Variants in SLCO2B1 observed in about 807,000 individuals in gnomAD.
The protein encoded by SLCO2B1 is solute carrier organic anion transporter family member 2B1, also known as OATP-RP2.
A neutral mutation model predicts 67.3 loss-of-function variants in SLCO2B1; 41 were observed. That is an observed-to-expected ratio of 0.61 (90% CI 0.47 to 0.79). The LOEUF is 0.79. SLCO2B1 is among the 30% of genes least tolerant of loss of function. The pLI, the probability that SLCO2B1 is intolerant of heterozygous loss-of-function variation, is 0.00. For missense variants in SLCO2B1, 837 were observed against 920.1 expected, an observed-to-expected ratio of 0.91 and a Z score of 1.17; for synonymous variants, 379 against 381.4, an observed-to-expected ratio of 0.99 and a Z score of 0.07.
chr11:75,165,669 T>C (rs1949880129), intron 3 of SLCO2B1, 118 bp from the exon 4 acceptor site: 3 of 1,200,010 alleles, frequency 2.5e-6, no homozygotes, highest in Non-Finnish European at 3.6e-6. Flanking sequence ...CCCAGATGAT[T>C]TTTATTCAGT....
chr11:75,151,224 T>A lies in SLCO2B1; in HGVS notation c.-158T>A. 1 of 638,540 alleles carries A rather than the reference T, an allele frequency of 1.6e-6. No homozygotes were observed. 39.6% of individuals were successfully genotyped at this position (638,540 alleles called of 1,614,324 possible). ...ATGTCCTGTGTGGCCCAAGAAGAACTGACCCCGTGTCTGGAGCTCCCACCG... is the reference window on the plus strand; with the variant it reads ...ATGTCCTGTGTGGCCCAAGAAGAACAGACCCCGTGTCTGGAGCTCCCACCG... On this transcript the variant is annotated 5_prime_UTR_variant, in exon 1 of 14. Transcript: ENST00000289575.
At chr11:75,158,582 T>C (rs761705281) in intron 1 of SLCO2B1, among the ~76,000 whole-genome samples, 1 of 151,952 alleles carries the variant, frequency 6.6e-6, no homozygotes, top group Non-Finnish European at 1.5e-5. Context: ...CAGAGTGGGG[T>C]GACTATCCTA....
chr11:75,161,312 T>C (rs1443516208), intron 1 of SLCO2B1, among the ~76,000 whole-genome samples: 1 of 152,302 alleles, frequency 6.6e-6, no homozygotes, highest in African/African-American at 2.4e-5. Flanking sequence ...TGACTACAGA[T>C]GGGTACGGGA....
chr11:75,206,171 C>T lies in SLCO2B1; in HGVS notation c.*1591C>T, dbSNP rs1945273994. The T allele has an allele frequency of 6.6e-6, 1 of 152,208 alleles. No individual in the cohort carries two copies. Among genetic ancestry groups the T allele is most frequent in the Non-Finnish European group, 1.5e-5 (1 of 68,032 alleles). 9.4% of individuals were successfully genotyped at this position (152,208 alleles called of 1,614,324 possible). ...GGCTTTTAGGATGTTTATATTCCTT[C>T]ATCCCTCTTGTTTCCCAGGTTTTGC... On this transcript the variant is annotated 3_prime_UTR_variant, in exon 14 of 14. Coordinates refer to ENST00000289575, the MANE Select transcript of SLCO2B1 (RefSeq NM_007256.5).
rs772520935 is a variant in SLCO2B1 at position 75,162,782 on chromosome 11, C to A, written c.144C>A (p.Ile48=). ...TGCGGCCAAGTGTGTTCCATAACAT[C>A]AAGGTACCTCTCAGGGCCTGGCAGG... is the stretch of plus-strand genomic sequence containing the variant. ...QDVRPSVFHN[I]KLFVLCHSLL... Residue 48 remains isoleucine, a synonymous_variant, in exon 2 of 14, where the codon ATC becomes ATA. Coordinates refer to ENST00000289575, the MANE Select transcript of SLCO2B1 (RefSeq NM_007256.5). The A allele has an allele frequency of 6.2e-7, 1 of 1,613,408 alleles. No individual in the cohort carries two copies. Among genetic ancestry groups the A allele is most frequent in the African/African-American group, 1.3e-5 (1 of 75,028 alleles).
chr11:75,165,286 G>GCTGAGCATGGTGGCGCATGC (rs1949873553), intron 3 of SLCO2B1, among the ~76,000 whole-genome samples: 1 of 152,140 alleles, frequency 6.6e-6, no homozygotes, highest in Non-Finnish European at 1.5e-5. Context: ...GCAAAAATTA[G>GCTGAGCATGGTGGCGCATGC]CTGAGCATGG....
At chr11:75,172,839 G>A (rs1949980668) in intron 7 of SLCO2B1, among the ~76,000 whole-genome samples, 1 of 151,878 alleles carries the variant, frequency 6.6e-6, no homozygotes, top group Non-Finnish European at 1.5e-5. Flanking sequence ...TGAGGCAGAA[G>A]AATCGCTTGA....
chr11:75,193,597 T>TA lies in SLCO2B1; in HGVS notation c.1433+25dup. The TA allele has an allele frequency of 6.6e-7, 1 of 1,515,352 alleles. No individual in the cohort carries two copies. Among genetic ancestry groups the TA allele is most frequent in the Non-Finnish European group, 8.8e-7 (1 of 1,132,714 alleles). The allele number at this position is 1,515,352 out of a possible 1,614,324, so 93.9% of individuals were successfully genotyped here. A position where few individuals can be genotyped will look rare whatever the true frequency, so the allele number is the denominator to read the frequency against. On this transcript the variant is annotated intron_variant, in intron 9 of 13. Coordinates refer to ENST00000289575, the MANE Select transcript of SLCO2B1 (RefSeq NM_007256.5). The surrounding 1 kb of genome is among the most constrained non-coding windows in gnomAD (Gnocchi z 4.2). ...CCAGGTGAGTGTGTGCGTGGGCACG[T>TA]AAAGGCAAGCCTGGGAGGACAGGAC...
In SLCO2B1 at chr11:75,169,397, C is replaced by A; in HGVS notation, c.673C>A (p.Leu225Ile). 2 of 1,595,142 alleles carry A rather than the reference C, an allele frequency of 1.3e-6. No individual in the cohort carries two copies. The highest frequency in any genetic ancestry group is 1.7e-6 in the Non-Finnish European group (2 of 1,168,470). The change falls in exon 5 of 14, where the codon CTC becomes ATC. Residue 225 changes from leucine (L) to isoleucine (I), a missense_variant. By Grantham distance (5) the Leu-to-Ile change is conservative (BLOSUM62 2). Coordinates refer to ENST00000289575, the MANE Select transcript of SLCO2B1 (RefSeq NM_007256.5). ...DDFAHNSNSP[L>I]YLGILFAVTM... Reference sequence around the variant, plus strand: ...CTTTGCCCACAACAGCAACTCGCCCCTCTACCTCGGTGAGGACCAGTGCCA... The same window carrying A: ...CTTTGCCCACAACAGCAACTCGCCCATCTACCTCGGTGAGGACCAGTGCCA...
At chr11:75,196,040 T>C (rs1945092424) in intron 9 of SLCO2B1, among the ~76,000 whole-genome samples, 1 of 152,262 alleles carries the variant, frequency 6.6e-6, no homozygotes, top group Middle Eastern at 3.4e-3. Context: ...GACTGCAGGA[T>C]GGCCATGACA....
chr11:75,172,651 T>C, intron 7 of SLCO2B1, 82 bp downstream of exon 7: 1 of 1,290,550 alleles, frequency 7.7e-7, no homozygotes, highest in Non-Finnish European at 1.1e-6. Context: ...ACACTTCGGC[T>C]GGGCGTGGTG....
chr11:75,162,444 A>C (rs1295763621), intron 1 of SLCO2B1, among the ~76,000 whole-genome samples: 1 of 152,196 alleles, frequency 6.6e-6, no homozygotes, highest in East Asian at 1.9e-4. Flanking sequence ...GTAGGGGCAC[A>C]GGGATACACA....
At chr11:75,163,559 C>A (rs886090840) in intron 2 of SLCO2B1, among the ~76,000 whole-genome samples, 2 of 152,018 alleles carry the variant, frequency 1.3e-5, no homozygotes, top group East Asian at 3.9e-4. Flanking sequence ...CCAAGGGGGG[C>A]TCTGAGAGTC....
At chr11:75,164,513 C>CCGCGG (rs1949863711) in intron 3 of SLCO2B1, among the ~76,000 whole-genome samples, 1 of 152,062 alleles carries the variant, frequency 6.6e-6, no homozygotes, top group Non-Finnish European at 1.5e-5. Context: ...GGGAGGGATA[C>CCGCGG]CGCGGCGCAG....
chr11:75,178,117 CA>C (rs925618036), intron 7 of SLCO2B1, among the ~76,000 whole-genome samples: 1 of 145,692 alleles, frequency 6.9e-6, no homozygotes, highest in Admixed American at 6.9e-5. Context: ...AAACAAAAAA[CA>C]AAACTCCAAA....
chr11:75,180,400 AC>A (rs1261440850), intron 7 of SLCO2B1, among the ~76,000 whole-genome samples: 1 of 152,070 alleles, frequency 6.6e-6, no homozygotes, highest in Non-Finnish European at 1.5e-5. Flanking sequence ...TCTATTTTTA[AC>A]TTTTGGGGGA....
chr11:75,189,685 A>C (rs1944988264), intron 8 of SLCO2B1, among the ~76,000 whole-genome samples: 1 of 152,156 alleles, frequency 6.6e-6, no homozygotes. Context: ...GGTGGCTCAC[A>C]CCTGTAATCC....
chr11:75,200,479 G>C (rs1945166184), intron 11 of SLCO2B1, 92 bp downstream of exon 11: 2 of 1,360,470 alleles, frequency 1.5e-6, no homozygotes. Context: ...GTTCAAGAAA[G>C]GAGGCCACTT....
chr11:75,193,133 C>G lies in SLCO2B1; in HGVS notation c.1076-85C>G, dbSNP rs571879292. The G allele has an allele frequency of 2.2e-5, 22 of 985,896 alleles. No homozygotes were observed. In the African/African-American group the frequency reaches 3.6e-4, roughly 16 times the overall value. 61.1% of individuals were successfully genotyped at this position (985,896 alleles called of 1,614,324 possible). Reference sequence around the variant, plus strand: ...GGGCGGGTTAGAAGAAATGGAACTGCTTGAACTGAGCAGGGCAGGAGGGCA... The same window carrying G: ...GGGCGGGTTAGAAGAAATGGAACTGGTTGAACTGAGCAGGGCAGGAGGGCA... On this transcript the variant is annotated intron_variant, in intron 8 of 13. Coordinates refer to ENST00000289575, the MANE Select transcript of SLCO2B1 (RefSeq NM_007256.5). This position sits in a 1 kb window ranked among gnomAD's most constrained non-coding sequence, Gnocchi z 4.2.
Sources: gnomAD v4.1 joint callset for allele counts (sites outside exome capture counted in the v4.1 genomes callset) on GRCh38, gnomAD v4.1.1 for gene constraint, Gnocchi (gnomAD v3.1) non-coding constraint, MANE v1.5 for transcripts, NCBI Gene and HGNC (gene_info 2026-07-23, HGNC 2026-07-21) for gene names.